The following MAN2A1 variants were observed in gnomAD, a reference collection of about 807,000 sequenced individuals.
The protein encoded by MAN2A1 is mannosidase alpha class 2A member 1, also known as alpha-mannosidase 2.
In MAN2A1, 76 loss-of-function variants were observed where a neutral mutation model predicts 142.6. The observed-to-expected ratio is 0.53, with a 90% CI of 0.44 to 0.65. The LOEUF is 0.65. MAN2A1 is among the 30% of genes least tolerant of loss of function. MAN2A1 has a pLI of 0.00. For synonymous variants in MAN2A1, 559 were observed against 473.2 expected (o/e 1.18, Z -2.35); for missense variants, 1,311 against 1,365.1 (o/e 0.96, Z 0.62).
chr5:109,767,114 T>C (rs985565611), intron 5 of MAN2A1, among the ~76,000 whole-genome samples: 2 of 152,192 alleles, frequency 1.3e-5, no homozygotes, highest in South Asian at 4.1e-4. Flanking sequence ...GAAATGTAAG[T>C]TGAAATAGGT....
At position 109,842,372 on chromosome 5, in the gene MAN2A1, C is replaced by G. The variant is rs745513264; in HGVS notation, c.2611C>G (p.Arg871Gly). ...GGAAGTTTCCAATATTGTGGACATC[C>G]GAAAAGTATATAACCGTGAGATTGC... ...SVEVSNIVDI[R>G]KVYNREIAMK... The change falls in exon 17 of 22, where the codon CGA (arginine) becomes GGA (glycine). Residue 871 changes from arginine (R) to glycine (G), a missense_variant. Arg to Gly is a moderately radical substitution (Grantham distance 125). Transcript: ENST00000261483. 1.9e-6 allele frequency: 3 copies of G among 1,591,274 alleles called. No individual in the cohort carries two copies. In the South Asian group the frequency reaches 3.4e-5, roughly 18 times the overall value.
At chr5:109,842,997 G>T (rs997077848) in intron 17 of MAN2A1, among the ~76,000 whole-genome samples, 1 of 151,750 alleles carries the variant, frequency 6.6e-6, no homozygotes, top group Non-Finnish European at 1.5e-5. Context: ...GCAGAGACAC[G>T]GTTTCACCAT....
At chr5:109,804,283 A>G (rs1754106568) in intron 12 of MAN2A1, 3 of 987,290 alleles carry the variant, frequency 3.0e-6, no homozygotes, top group Admixed American at 6.1e-5. Context: ...TTGTGGTAAA[A>G]GAAACATTTT....
intron 5 of MAN2A1, among the ~76,000 whole-genome samples, chr5:109,761,611 T>A (rs1037111245): frequency 1.3e-5 from 2 of 152,102 alleles, no homozygotes; most frequent in Non-Finnish European, 2.9e-5. Context: ...TATATCCATT[T>A]TCATGAGTAA....
At chr5:109,778,667 C>T (rs1753362702) in intron 8 of MAN2A1, among the ~76,000 whole-genome samples, 1 of 152,008 alleles carries the variant, frequency 6.6e-6, no homozygotes, top group South Asian at 2.1e-4. Context: ...GTATAGGGTC[C>T]ACCTTAATGC....
intron 4 of MAN2A1, among the ~76,000 whole-genome samples, chr5:109,754,895 G>A (rs1324523052): frequency 6.6e-6 from 1 of 152,140 alleles, no homozygotes; most frequent in Non-Finnish European, 1.5e-5. Flanking sequence ...CGGTTACTCG[G>A]GAGGCTGAGG....
intron 6 of MAN2A1, among the ~76,000 whole-genome samples, chr5:109,769,353 G>A (rs774488955): frequency 2.6e-5 from 4 of 152,086 alleles, no homozygotes; most frequent in South Asian, 2.1e-4. Flanking sequence ...AAATGTTTTC[G>A]AATTAAGTTG....
intron 13 of MAN2A1, among the ~76,000 whole-genome samples, chr5:109,818,195 C>T (rs1329767754): frequency 6.6e-6 from 1 of 152,058 alleles, no homozygotes; most frequent in Non-Finnish European, 1.5e-5. Flanking sequence ...GGCTGGAGTG[C>T]AATGGCGCGA....
chr5:109,796,668 G>A (rs1404267600), intron 12 of MAN2A1, among the ~76,000 whole-genome samples: 2 of 152,198 alleles, frequency 1.3e-5, no homozygotes, highest in Admixed American at 6.5e-5. Context: ...AGAATACTGT[G>A]ATATTCTTTG....
intron 1 of MAN2A1, among the ~76,000 whole-genome samples, chr5:109,699,259 T>C (rs928946101): frequency 2.0e-5 from 3 of 152,182 alleles, no homozygotes; most frequent in Admixed American, 6.5e-5. Context: ...TTTTTTTACA[T>C]CAACATACCT....
intron 1 of MAN2A1, among the ~76,000 whole-genome samples, chr5:109,708,509 G>A (rs915858312): frequency 1.6e-5 from 2 of 124,542 alleles, no homozygotes; most frequent in Admixed American, 8.0e-5. Context: ...GAACTGATAG[G>A]ACACACACAC....
In MAN2A1 at chr5:109,748,429, C is replaced by T. The variant is rs576795980; in HGVS notation, c.708-6900C>T. On this transcript the variant is annotated intron_variant, in intron 4 of 21. Transcript: ENST00000261483. ...TTTTTTTTTTTTGCATTATCAGTAC[C>T]CATTTCTTACAATTTTATGCTAATA... 4.0e-5 allele frequency among the ~76,000 whole-genome samples: 6 copies of T among 148,982 alleles called. No individual in the cohort carries two copies. The South Asian group carries it at 6.3e-4, about 16-fold the overall frequency.
chr5:109,727,965 G>A (rs986889091), intron 3 of MAN2A1, among the ~76,000 whole-genome samples: 3 of 152,126 alleles, frequency 2.0e-5, no homozygotes, highest in Admixed American at 6.6e-5. Context: ...TTAGTTAAAT[G>A]TGGAAAAATT....
chr5:109,778,323 T>G (rs1753351411), intron 8 of MAN2A1, among the ~76,000 whole-genome samples: 1 of 152,108 alleles, frequency 6.6e-6, no homozygotes. Context: ...ATGGCATATA[T>G]ATGTCTTCCT....
intron 20 of MAN2A1, chr5:109,862,783 C>T (rs994048758): frequency 6.6e-6 from 1 of 152,110 alleles, no homozygotes; most frequent in Non-Finnish European, 1.5e-5. Context: ...AAAACTGATA[C>T]TTTCATGAAT....
At chr5:109,812,019 G>T (rs920741789) in intron 12 of MAN2A1, among the ~76,000 whole-genome samples, 5 of 152,136 alleles carry the variant, frequency 3.3e-5, no homozygotes, top group African/African-American at 9.7e-5. Context: ...ATCGTTCACT[G>T]TACTACCCAG....
intron 12 of MAN2A1, among the ~76,000 whole-genome samples, chr5:109,811,026 A>G (rs1425880581): frequency 6.7e-6 from 1 of 148,432 alleles, no homozygotes; most frequent in Non-Finnish European, 1.5e-5. Flanking sequence ...CTTTAATCTC[A>G]TTTTTAAGAT....
intron 16 of MAN2A1, among the ~76,000 whole-genome samples, chr5:109,835,863 A>T (rs1046202226): frequency 2.0e-5 from 3 of 152,168 alleles, no homozygotes; most frequent in Admixed American, 2.0e-4. Context: ...TTCAGGGTTG[A>T]ATTAGGCGGC....
chr5:109,710,865 T>G (rs1354640969), intron 1 of MAN2A1, among the ~76,000 whole-genome samples: 1 of 152,158 alleles, frequency 6.6e-6, no homozygotes, highest in Non-Finnish European at 1.5e-5. Flanking sequence ...TAATTTTGTA[T>G]TTTTAGTAGA....
Sources: allele counts gnomAD v4.1 joint callset (sites outside exome capture counted in the v4.1 genomes callset), GRCh38; gene constraint gnomAD v4.1.1; transcripts MANE v1.5; gene names NCBI Gene and HGNC (gene_info 2026-07-23, HGNC 2026-07-21).